RINT1: variants seen among roughly 807,000 people sequenced by gnomAD.
RINT1 encodes RAD50 interactor 1.
RINT1 carries 75 observed loss-of-function variants against 97.7 expected under a neutral mutation model. The observed-to-expected ratio is 0.77, with a 90% CI of 0.64 to 0.93. RINT1 has a LOEUF of 0.93. RINT1 is among the 40% of genes least tolerant of loss of function. RINT1 has a pLI of 0.00. For missense variants in RINT1, 892 were observed against 925.2 expected, an observed-to-expected ratio of 0.96 and a Z score of 0.47; for synonymous variants, 303 against 326.3, an observed-to-expected ratio of 0.93 and a Z score of 0.77.
intron 10 of RINT1, among the ~76,000 whole-genome samples, chr7:105,553,459 A>G (rs9689986): frequency 0.9 from 134,820 of 150,428 alleles, 60,811 homozygotes; most frequent in Middle Eastern, 0.95. Flanking sequence ...GGTGGCTCAC[A>G]CCTGTAATCC....
chr7:105,539,631 G>A (rs1432485569), intron 3 of RINT1, among the ~76,000 whole-genome samples: 1 of 152,016 alleles, frequency 6.6e-6, no homozygotes, highest in African/African-American at 2.4e-5. Context: ...GCCTTCCAAA[G>A]TGCTGGGATT....
chr7:105,551,873 C>T (rs1586244051), intron 10 of RINT1, among the ~76,000 whole-genome samples, 166 bp downstream of exon 10: 1 of 152,044 alleles, frequency 6.6e-6, no homozygotes, highest in Non-Finnish European at 1.5e-5. Context: ...CGAGAACAGC[C>T]TGGGGTACAT....
chr7:105,563,871 C>T lies in RINT1; in HGVS notation c.1810C>T (p.His604Tyr). Residue 604 changes from histidine (H) to tyrosine (Y), a missense_variant, in exon 12 of 15, where the codon CAT (histidine) becomes TAT (tyrosine). By Grantham distance (83) the His-to-Tyr change is moderately conservative. Transcript: ENST00000257700. ...GATTAACCTCTTAGAACGTTTAAAG[C>T]ATGATATGTTGACCCGTCAAGTAGA... ...DMINLLERLK[H>Y]DMLTRQVDHV... 1 of 1,614,086 alleles carries T rather than the reference C, an allele frequency of 6.2e-7. No homozygotes were observed. The highest frequency in any genetic ancestry group is 8.5e-7 in the Non-Finnish European group (1 of 1,180,004).
In RINT1 at chr7:105,565,316, G is replaced by A. The variant is rs757812202; in HGVS notation, c.1926G>A (p.Met642Ile). 2.5e-6 allele frequency: 4 copies of A among 1,614,066 alleles called. No individual in the cohort carries two copies. In the South Asian group the frequency reaches 3.3e-5, roughly 13 times the overall value. Residue 642 changes from methionine to isoleucine, a missense_variant, in exon 13 of 15, where the codon ATG (methionine) becomes ATA (isoleucine). By Grantham distance (10) the Met-to-Ile change is conservative. Transcript: ENST00000257700. ...CATCTCAGTCAGAGCAGGCAGTGATGTCCCTGTCCAGTTCGGCTTGCCCGT... is the reference window on the plus strand; with the variant it reads ...CATCTCAGTCAGAGCAGGCAGTGATATCCCTGTCCAGTTCGGCTTGCCCGT... ...SLPSQSEQAV[M>I]SLSSSACPLL...
At chr7:105,540,325 C>T (rs994056540) in intron 3 of RINT1, among the ~76,000 whole-genome samples, 5 of 151,744 alleles carry the variant, frequency 3.3e-5, no homozygotes, top group African/African-American at 9.7e-5. Context: ...TGCAGTGGAG[C>T]GATCTCAGCT....
chr7:105,545,699 T>A (rs1790638199), intron 4 of RINT1, among the ~76,000 whole-genome samples: 3 of 151,420 alleles, frequency 2.0e-5, no homozygotes, highest in African/African-American at 7.3e-5. Flanking sequence ...CTAGTTTTTA[T>A]ATTTTTAGTA....
At chr7:105,558,821 C>T (rs1271424601) in intron 11 of RINT1, among the ~76,000 whole-genome samples, 1 of 151,650 alleles carries the variant, frequency 6.6e-6, no homozygotes, top group Non-Finnish European at 1.5e-5. Context: ...ATTAACTGGG[C>T]ATGGCAGGCA....
At chr7:105,546,843 C>T in intron 4 of RINT1, 67 bp from the exon 5 acceptor site, 1 of 1,239,630 alleles carries the variant, frequency 8.1e-7, no homozygotes, top group Non-Finnish European at 1.1e-6. Context: ...CCACTGCACT[C>T]CAACCTGGGC....
Position 105,551,567 on chromosome 7 carries a change from C to T in RINT1, c.1334-3C>T, listed in dbSNP as rs2133406855. The T allele has an allele frequency of 6.3e-7, 1 of 1,592,740 alleles. No homozygotes were observed. The highest frequency in any genetic ancestry group is 8.5e-7 in the Non-Finnish European group (1 of 1,169,842). Reference sequence around the variant, plus strand: ...TGACATAATTGTTTTGTCTGCTTATCAGTTGCTCTTCAAAAAATGGACTCA... The same window carrying T: ...TGACATAATTGTTTTGTCTGCTTATTAGTTGCTCTTCAAAAAATGGACTCA... On this transcript the variant is annotated splice_region_variant and splice_polypyrimidine_tract_variant and intron_variant, in intron 9 of 14. Transcript: ENST00000257700.
chr7:105,538,471 T>G lies in RINT1; in HGVS notation c.273+1722T>G, dbSNP rs17149358. ...AAGTTTAGCCTGGCTTTGTCTGCCT[T>G]TTCACTCCTGCAGGCAGGTTGTTGT... On this transcript the variant is annotated intron_variant, in intron 3 of 14. Transcript: ENST00000257700. Among the ~76,000 whole-genome samples, 960 of 152,314 alleles carry G rather than the reference T, an allele frequency of 6.3e-3. 11 individuals carry two copies. Among genetic ancestry groups the G allele is most frequent in the African/African-American group, 0.022 (913 of 41,584 alleles).
intron 4 of RINT1, among the ~76,000 whole-genome samples, chr7:105,544,167 G>C (rs903707706): frequency 1.3e-5 from 2 of 151,918 alleles, no homozygotes. Context: ...ATATAAAGTG[G>C]TTTAGAACAT....
At chr7:105,563,036 A>C (rs1314789636) in intron 11 of RINT1, among the ~76,000 whole-genome samples, 2 of 152,168 alleles carry the variant, frequency 1.3e-5, no homozygotes, top group Non-Finnish European at 2.9e-5. Context: ...AATGTGGTCT[A>C]TCTATATAAT....
chr7:105,541,239 A>G (rs1472315136), intron 3 of RINT1, among the ~76,000 whole-genome samples: 1 of 151,464 alleles, frequency 6.6e-6, no homozygotes, highest in African/African-American at 2.4e-5. Context: ...TCCCGGTTCA[A>G]GTGATTCTTG....
Position 105,542,479 on chromosome 7 carries a change from A to G in RINT1, c.345A>G (p.Gln115=). The G allele has an allele frequency of 1.2e-6, 2 of 1,614,010 alleles. No homozygotes were observed. The highest frequency in any genetic ancestry group is 1.1e-5 in the South Asian group (1 of 91,032). Residue 115 remains glutamine (Q), a synonymous_variant, in exon 4 of 15, where the codon CAA becomes CAG. Coordinates refer to ENST00000257700, the MANE Select transcript of RINT1 (RefSeq NM_021930.6). The part of the protein sequence containing the change: ...SALKNAEESK[Q]FLNQFLEQET... ...TAAAAAATGCAGAAGAATCAAAGCAATTTCTTAATCAGTTTCTGGAGCAGG... is the reference window on the plus strand; with the variant it reads ...TAAAAAATGCAGAAGAATCAAAGCAGTTTCTTAATCAGTTTCTGGAGCAGG...
At chr7:105,543,034 G>A (rs1407223688) in intron 4 of RINT1, among the ~76,000 whole-genome samples, 4 of 151,678 alleles carry the variant, frequency 2.6e-5, no homozygotes, top group South Asian at 2.1e-4. Flanking sequence ...ACAGGCGCCC[G>A]CCACCATGCC....
intron 9 of RINT1, among the ~76,000 whole-genome samples, chr7:105,551,092 G>C (rs992039577): frequency 6.6e-6 from 1 of 152,062 alleles, no homozygotes; most frequent in South Asian, 2.1e-4. Flanking sequence ...GGAGTGGGCC[G>C]ATCATGGCTT....
intron 14 of RINT1, chr7:105,566,291 A>T (rs1396234064): frequency 6.6e-6 from 1 of 152,190 alleles, no homozygotes; most frequent in Non-Finnish European, 1.5e-5. Flanking sequence ...CAGGCCTGAA[A>T]GAAATTTGTT....
chr7:105,549,041 GCAGTGGCACAAT>G (rs2133395271), intron 7 of RINT1, among the ~76,000 whole-genome samples: 1 of 151,328 alleles, frequency 6.6e-6, no homozygotes, highest in South Asian at 2.1e-4. Context: ...AGGCTGGAGT[GCAGTGGCACAAT>G]CTCTGCTCAC....
At chr7:105,545,800 C>G (rs1790642832) in intron 4 of RINT1, among the ~76,000 whole-genome samples, 1 of 136,866 alleles carries the variant, frequency 7.3e-6, no homozygotes, top group East Asian at 2.3e-4. Context: ...AAAGAGGCCA[C>G]CACGCCTGGC....
Sources: gnomAD v4.1 joint callset for allele counts (sites outside exome capture counted in the v4.1 genomes callset) on GRCh38, gnomAD v4.1.1 for gene constraint, MANE v1.5 for transcripts, NCBI Gene and HGNC (gene_info 2026-07-23, HGNC 2026-07-21) for gene names.